ERMARD: variants seen among roughly 807,000 people sequenced by gnomAD.
ERMARD encodes the protein ER membrane associated RNA degradation, also known as endoplasmic reticulum membrane-associated RNA degradation protein.
ERMARD carries 71 observed loss-of-function variants against 83.9 expected under a neutral mutation model. The observed-to-expected ratio is 0.85, with a 90% CI of 0.70 to 1.03. The LOEUF is 1.03. Ranked by LOEUF, ERMARD falls within the 50% of genes least tolerant of loss-of-function variation. The pLI, the probability that ERMARD is intolerant of heterozygous loss-of-function variation, is 0.00. For missense variants in ERMARD, 838 were observed against 810.9 expected (o/e 1.03, Z -0.41); for synonymous variants, 284 against 298.6 (o/e 0.95, Z 0.50).
chr6:169,773,491 T>TGCTGAGTCA, intron 13 of ERMARD, 89 bp downstream of exon 13: 1 of 1,337,860 alleles, frequency 7.5e-7, no homozygotes, highest in Non-Finnish European at 1.1e-6. Flanking sequence ...GCAGTTTGCT[T>TGCTGAGTCA]GCTGAGTCAG....
intron 10 of ERMARD, 61 bp from the exon 11 acceptor site, chr6:169,768,042 A>C: frequency 7.2e-7 from 1 of 1,393,586 alleles, no homozygotes; most frequent in Non-Finnish European, 1.0e-6. Flanking sequence ...TCAACTCTGA[A>C]AGTTCTGTAT....
At position 169,753,973 on chromosome 6, in the gene ERMARD, C is replaced by T; in HGVS notation, c.116C>T (p.Thr39Ile). ...AATTGTGATATCAATAGCATTGTAA[C>T]TCAGAATGGTGAAGTATGCTGGAAA... ...RENCDINSIVTQNGEVCWKTI... is the reference protein window; with the variant it reads ...RENCDINSIVIQNGEVCWKTI... Residue 39 changes from threonine to isoleucine, a missense_variant, in exon 2 of 18, where the codon ACT (threonine) becomes ATT (isoleucine). Transcript: ENST00000366773. The T allele has an allele frequency of 6.2e-7, 1 of 1,613,456 alleles. No homozygotes were observed. The highest frequency in any genetic ancestry group is 8.5e-7 in the Non-Finnish European group (1 of 1,179,598).
intron 17 of ERMARD, among the ~76,000 whole-genome samples, chr6:169,780,098 T>C (rs907339435): frequency 5.4e-5 from 8 of 146,802 alleles, no homozygotes; most frequent in Non-Finnish European, 1.2e-4. Flanking sequence ...GAAAGATGCA[T>C]AGACTCCTGC....
upstream of ERMARD, chr6:169,751,617 C>A: frequency 3.2e-6 from 5 of 1,581,984 alleles, no homozygotes; most frequent in Non-Finnish European, 3.4e-6. Flanking sequence ...CGCGCAGGCG[C>A]CTGCGTCATT....
At chr6:169,751,834 C>A in intron 1 of ERMARD, 171 bp downstream of exon 1, 1 of 1,004,010 alleles carries the variant, frequency 1.0e-6, no homozygotes, top group South Asian at 2.1e-5. Context: ...GTGGCGGTAT[C>A]GGACGCTCGG....
intron 12 of ERMARD, chr6:169,770,283 T>G (rs1457020900): frequency 1.3e-5 from 2 of 152,324 alleles, no homozygotes; most frequent in East Asian, 1.9e-4. Flanking sequence ...TAATTCGGTG[T>G]TGTTGCTACC....
At chr6:169,768,539 C>T (rs1792493835) in intron 11 of ERMARD, among the ~76,000 whole-genome samples, 1 of 152,122 alleles carries the variant, frequency 6.6e-6, no homozygotes, top group Non-Finnish European at 1.5e-5. Flanking sequence ...GGGCAGATCA[C>T]AAGGTCAAGA....
intron 7 of ERMARD, 56 bp from the exon 8 acceptor site, chr6:169,760,586 C>T: frequency 1.6e-6 from 2 of 1,290,212 alleles, no homozygotes; most frequent in Non-Finnish European, 2.2e-6. Context: ...AGCATGTTTC[C>T]ATCTTTTTTC....
intron 10 of ERMARD, 79 bp from the exon 11 acceptor site, chr6:169,768,024 T>C: frequency 1.7e-6 from 2 of 1,161,356 alleles, no homozygotes; most frequent in African/African-American, 1.5e-5. Flanking sequence ...CTAAAAGTAC[T>C]ATATCCATCA....
upstream of ERMARD, chr6:169,751,446 C>G: frequency 6.2e-7 from 1 of 1,614,038 alleles, no homozygotes; most frequent in Non-Finnish European, 8.5e-7. Context: ...ACGCCTCGGC[C>G]TCGCTTCTCC....
rs114006076 is a variant in ERMARD, at chr6:169,758,321, C to T, written c.508-647C>T. ...TGTTCTGAGTTTCTTCTAAGTATGG[C>T]GCCTCAAACCCAAAGCAGTTCTCTG... On this transcript the variant is annotated intron_variant, in intron 5 of 17. Coordinates refer to ENST00000366773, the MANE Select transcript of ERMARD (RefSeq NM_018341.3). Among the ~76,000 whole-genome samples, 1,391 of 152,298 alleles carry T rather than the reference C, an allele frequency of 9.1e-3. 17 individuals are homozygous for T. The highest frequency in any genetic ancestry group is 0.031 in the African/African-American group (1,296 of 41,552).
intron 16 of ERMARD, among the ~76,000 whole-genome samples, chr6:169,778,032 G>A (rs1793793628): frequency 6.6e-6 from 1 of 152,180 alleles, no homozygotes; most frequent in African/African-American, 2.4e-5. Context: ...CGTTTCCGTC[G>A]CAGGACGAGT....
rs779174022 is a variant in ERMARD at position 169,766,587 on chromosome 6, T to C, written c.961-51T>C. 3 of 1,477,936 alleles carry C rather than the reference T, an allele frequency of 2.0e-6. No homozygotes were observed. The South Asian group carries it at 3.8e-5, about 19-fold the overall frequency. 91.6% of individuals were successfully genotyped at this position (1,477,936 alleles called of 1,614,324 possible). A position where few individuals can be genotyped will look rare whatever the true frequency, so the allele number is the denominator to read the frequency against. On this transcript the variant is annotated intron_variant, in intron 9 of 17. Transcript: ENST00000366773. ...TTTCTTATTTTGCATAGTGTTAGTG[T>C]ATTTGTATTTTGCTTTAATTGTTTA... is the stretch of plus-strand genomic sequence containing the variant.
At chr6:169,767,970 A>T (rs7753501) in intron 10 of ERMARD, 133 bp from the exon 11 acceptor site, 1 of 674,218 alleles carries the variant, frequency 1.5e-6, no homozygotes, top group African/African-American at 1.8e-5. Context: ...TGAATTTTAA[A>T]GACTGTCCAT....
At chr6:169,768,500 A>G (rs768446091) in intron 11 of ERMARD, among the ~76,000 whole-genome samples, 6 of 152,198 alleles carry the variant, frequency 3.9e-5, no homozygotes, top group Non-Finnish European at 8.8e-5. Flanking sequence ...GCTCATGCCT[A>G]TAATCCTAGC....
intron 16 of ERMARD, among the ~76,000 whole-genome samples, chr6:169,778,780 G>A (rs569309321): frequency 5.9e-5 from 9 of 152,386 alleles, no homozygotes; most frequent in South Asian, 2.1e-4. Context: ...CATTGAGCCT[G>A]CTTTCCTATC....
At position 169,769,567 on chromosome 6, in the gene ERMARD, C is replaced by A; in HGVS notation, c.1087C>A (p.Gln363Lys). Residue 363 changes from glutamine to lysine, a missense_variant, in exon 12 of 18, where the codon CAG becomes AAG. Physicochemically the swap from Gln to Lys is moderately conservative, Grantham distance 53. Transcript: ENST00000366773. ...MEFLWDFLNH[Q>K]EGPRIRDHLS... ...ATTTCTCTGGGATTTCCTGAACCAT[C>A]AGGAGGGTCCCCGCATAAGAGATCA... The A allele has an allele frequency of 6.2e-7, 1 of 1,602,822 alleles. No homozygotes were observed. The highest frequency in any genetic ancestry group is 8.5e-7 in the Non-Finnish European group (1 of 1,176,302).
rs1280724761 is a variant in ERMARD at position 169,781,582 on chromosome 6, C to G, written c.*69C>G. The G allele has an allele frequency of 7.0e-7, 1 of 1,429,650 alleles. No individual in the cohort carries two copies. The highest frequency in any genetic ancestry group is 1.4e-5 in the African/African-American group (1 of 69,534). 88.6% of individuals were successfully genotyped at this position (1,429,650 alleles called of 1,614,324 possible). ...AGCGTGTAAATTAAAAACCCAAAGA[C>G]AGGGTGGAGTTGAGGGTCTGCTTGG... On this transcript the variant is annotated 3_prime_UTR_variant, in exon 18 of 18. Transcript: ENST00000366773.
At chr6:169,773,201 A>T (rs1793180385) in intron 12 of ERMARD, 118 bp from the exon 13 acceptor site, 6 of 790,854 alleles carry the variant, frequency 7.6e-6, no homozygotes, top group Non-Finnish European at 1.2e-5. Flanking sequence ...TTCTAGCTGC[A>T]TAGAATTATT....
Sources: gnomAD v4.1 joint callset for allele counts (sites outside exome capture counted in the v4.1 genomes callset) on GRCh38, gnomAD v4.1.1 for gene constraint, MANE v1.5 for transcripts, NCBI Gene and HGNC (gene_info 2026-07-23, HGNC 2026-07-21) for gene names.